The following PHKB variants were observed in gnomAD, a reference collection of about 807,000 sequenced individuals.
The protein encoded by PHKB is phosphorylase b kinase regulatory subunit beta.
Under a neutral mutation model 152.1 loss-of-function variants are expected in PHKB, and 122 were observed. That is an observed-to-expected ratio of 0.80 (90% CI 0.69 to 0.93). The LOEUF (loss-of-function observed/expected upper bound fraction) is 0.93. Ranked by LOEUF, PHKB falls within the 40% of genes least tolerant of loss-of-function variation. The probability of loss-of-function intolerance (pLI) is 0.00; values close to 1 mark genes in which losing one functional copy is unlikely to be tolerated. For missense variants in PHKB, 1,304 were observed against 1,328.4 expected (o/e 0.98, Z 0.29); for synonymous variants, 436 against 464.9 (o/e 0.94, Z 0.80).
At chr16:47,686,060 A>T (rs1444602304) in intron 26 of PHKB, among the ~76,000 whole-genome samples, 1 of 152,180 alleles carries the variant, frequency 6.6e-6, no homozygotes, top group Non-Finnish European at 1.5e-5. Context: ...TTTTAATAAT[A>T]TGACAGATTG....
At chr16:47,684,706 G>A (rs780597279) in intron 26 of PHKB, among the ~76,000 whole-genome samples, 1 of 151,998 alleles carries the variant, frequency 6.6e-6, no homozygotes, top group Non-Finnish European at 1.5e-5. Context: ...GGCAGAGCTT[G>A]CAGTGAGCCG....
intron 7 of PHKB, among the ~76,000 whole-genome samples, chr16:47,567,107 G>T (rs750648683): frequency 3.3e-5 from 5 of 151,966 alleles, no homozygotes; most frequent in Admixed American, 2.0e-4. Flanking sequence ...CCTTAGGATT[G>T]TTTTTTTCTA....
chr16:47,615,357 T>C (rs1017034869), intron 14 of PHKB, among the ~76,000 whole-genome samples: 4 of 152,292 alleles, frequency 2.6e-5, no homozygotes, highest in African/African-American at 9.6e-5. Context: ...TCTTTGTTGA[T>C]GCTGCAAATA....
chr16:47,558,627 G>T (rs1183271574), intron 7 of PHKB, among the ~76,000 whole-genome samples: 1 of 152,188 alleles, frequency 6.6e-6, no homozygotes, highest in Non-Finnish European at 1.5e-5. Context: ...TTGGCTCACT[G>T]CAACCTCTGC....
At chr16:47,647,655 G>A (rs1973157196) in intron 16 of PHKB, among the ~76,000 whole-genome samples, 2 of 151,792 alleles carry the variant, frequency 1.3e-5, no homozygotes, top group Admixed American at 6.6e-5. Context: ...CCGCCACCAC[G>A]CCTGGCTAAT....
At chr16:47,698,207 CG>C (rs768254146) in intron 29 of PHKB, among the ~76,000 whole-genome samples, 11 of 151,990 alleles carry the variant, frequency 7.2e-5, no homozygotes, top group Non-Finnish European at 1.2e-4. Context: ...TCTAAGTTAA[CG>C]GTTTTATTTA....
At chr16:47,531,323 T>C (rs990427689) in intron 6 of PHKB, among the ~76,000 whole-genome samples, 1 of 152,186 alleles carries the variant, frequency 6.6e-6, no homozygotes, top group Non-Finnish European at 1.5e-5. Flanking sequence ...GCACAAAGGT[T>C]ATACTTTTAG....
chr16:47,630,234 C>T (rs1972801940), intron 14 of PHKB, among the ~76,000 whole-genome samples: 1 of 152,010 alleles, frequency 6.6e-6, no homozygotes, highest in Admixed American at 6.6e-5. Context: ...GTAATCGTAG[C>T]ACTTTGGGAG....
rs542485145 is a variant in PHKB, at chr16:47,681,108, A to T, written c.2631-7933A>T. On this transcript the variant is annotated intron_variant, in intron 26 of 30. Coordinates refer to ENST00000323584, the MANE Select transcript of PHKB (RefSeq NM_000293.3). ...AGTGAGTTTCTTAATCCTGAGTTCTAATTTGATTACACTGTGGTCTGAGAA... is the reference window on the plus strand; with the variant it reads ...AGTGAGTTTCTTAATCCTGAGTTCTTATTTGATTACACTGTGGTCTGAGAA... Among the ~76,000 whole-genome samples the T allele has an allele frequency of 2.6e-5, 4 of 152,254 alleles. No homozygotes were observed. The South Asian group carries it at 6.2e-4, about 24-fold the overall frequency.
In PHKB at chr16:47,502,991, G is replaced by A. The variant is rs1386423244; in HGVS notation, c.306G>A (p.Arg102=). 3 of 1,606,630 alleles carry A rather than the reference G, an allele frequency of 1.9e-6. No homozygotes were observed. The highest frequency in any genetic ancestry group is 3.3e-5 in the Admixed American group (2 of 60,014). Residue 102 remains arginine (R), a splice_region_variant and synonymous_variant, in exon 4 of 31, where the codon AGG becomes AGA. Transcript: ENST00000323584. ...TTCATGAGTTATCTCTCTCACCCAGGCGAATTGATGATGACAAGGGAAGGA... is the reference window on the plus strand; with the variant it reads ...TTCATGAGTTATCTCTCTCACCCAGACGAATTGATGATGACAAGGGAAGGA... ...AGAWALALAY[R]RIDDDKGRTH... is the part of the protein sequence containing the mutation.
chr16:47,646,572 T>TAAAAAAAAAAAAA (rs35849346), intron 16 of PHKB, among the ~76,000 whole-genome samples: 1 of 107,736 alleles, frequency 9.3e-6, no homozygotes, highest in Non-Finnish European at 2.1e-5. Context: ...AAAAAAATAA[T>TAAAAAAAAAAAAA]AAAAAAAAAA....
chr16:47,545,422 C>A (rs992813359), intron 6 of PHKB, among the ~76,000 whole-genome samples: 2 of 152,180 alleles, frequency 1.3e-5, no homozygotes, highest in African/African-American at 2.4e-5. Flanking sequence ...ATATTGGCCC[C>A]CACTCTCTTC....
chr16:47,692,368 C>A (rs545031864), intron 27 of PHKB, among the ~76,000 whole-genome samples: 1 of 152,240 alleles, frequency 6.6e-6, no homozygotes, highest in African/African-American at 2.4e-5. Flanking sequence ...ATAATCCCAG[C>A]ACTTTGGGAG....
At chr16:47,575,592 A>G (rs1457677484) in intron 7 of PHKB, among the ~76,000 whole-genome samples, 4 of 152,230 alleles carry the variant, frequency 2.6e-5, no homozygotes, top group African/African-American at 9.6e-5. Flanking sequence ...GTAAAACTAA[A>G]CTAACTCAGA....
intron 14 of PHKB, among the ~76,000 whole-genome samples, chr16:47,613,446 A>G (rs532636133): frequency 1.3e-5 from 2 of 152,254 alleles, no homozygotes; most frequent in Middle Eastern, 3.4e-3. Flanking sequence ...CAGCATCTCA[A>G]TTGTTTAAGC....
chr16:47,648,072 G>A (rs901257007), intron 16 of PHKB, among the ~76,000 whole-genome samples: 1 of 152,090 alleles, frequency 6.6e-6, no homozygotes, highest in Non-Finnish European at 1.5e-5. Flanking sequence ...CTTTGAGTAC[G>A]TGGTTTGAAT....
intron 1 of PHKB, among the ~76,000 whole-genome samples, chr16:47,490,114 G>T (rs1970122056): frequency 6.6e-6 from 1 of 152,086 alleles, no homozygotes; most frequent in Non-Finnish European, 1.5e-5. Context: ...TCTGAGTTCA[G>T]TCCATTTAGT....
At chr16:47,545,863 T>C (rs1014023638) in intron 6 of PHKB, among the ~76,000 whole-genome samples, 2 of 152,222 alleles carry the variant, frequency 1.3e-5, no homozygotes, top group African/African-American at 4.8e-5. Flanking sequence ...CTGATACCCT[T>C]TCTTCCACTT....
intron 14 of PHKB, among the ~76,000 whole-genome samples, chr16:47,629,404 C>A (rs1972778954): frequency 6.6e-6 from 1 of 151,796 alleles, no homozygotes; most frequent in Non-Finnish European, 1.5e-5. Context: ...ATTTATGCAG[C>A]CAAAAAACAC....
Sources: allele counts gnomAD v4.1 joint callset (sites outside exome capture counted in the v4.1 genomes callset), GRCh38; gene constraint gnomAD v4.1.1; transcripts MANE v1.5; gene names NCBI Gene and HGNC (gene_info 2026-07-23, HGNC 2026-07-21).